Variants in MAOB observed in about 807,000 individuals in gnomAD.
MAOB encodes amine oxidase [flavin-containing] B.
A neutral mutation model predicts 41.9 loss-of-function variants in MAOB; 15 were observed. That is an observed-to-expected ratio of 0.36 (90% confidence interval 0.24 to 0.55). MAOB has a LOEUF of 0.55. Ranked by LOEUF, MAOB falls within the 20% of genes least tolerant of loss-of-function variation. The pLI is 0.86. For synonymous variants in MAOB, 167 were observed against 144.2 expected (o/e 1.16, Z -1.13); for missense variants, 345 against 398.7 (o/e 0.87, Z 1.15).
At chrX:43,776,458 A>G (rs767128121) in intron 11 of MAOB, among the ~76,000 whole-genome samples, 4 of 112,134 alleles carry the variant, frequency 3.6e-5, no homozygotes, top group African/African-American at 6.5e-5. Flanking sequence ...GAGTTGTTGC[A>G]GGAACTTCAA....
At chrX:43,785,157 C>T (rs2147127454) in intron 8 of MAOB, among the ~76,000 whole-genome samples, 1 of 112,997 alleles carries the variant, frequency 8.8e-6, no homozygotes, top group Non-Finnish European at 1.9e-5. Flanking sequence ...CAAAACAAAA[C>T]AAAACAAGAC....
At chrX:43,781,046 T>C (rs1218414277) in intron 9 of MAOB, among the ~76,000 whole-genome samples, 1 of 110,819 alleles carries the variant, frequency 9.0e-6, no homozygotes, top group Non-Finnish European at 1.9e-5. Context: ...TCTTCTCTAC[T>C]GGGACTCAGA....
At chrX:43,805,835 T>A (rs2034656109) in intron 3 of MAOB, among the ~76,000 whole-genome samples, 1 of 112,184 alleles carries the variant, frequency 8.9e-6, no homozygotes, top group Non-Finnish European at 1.9e-5. Flanking sequence ...TTTAACTTTT[T>A]AAGTTTAATA....
intron 3 of MAOB, among the ~76,000 whole-genome samples, chrX:43,805,929 A>T (rs1332516673): frequency 8.9e-6 from 1 of 112,369 alleles, no homozygotes; most frequent in Admixed American, 9.4e-5. Context: ...ACACTTGCTG[A>T]CTTTTCTTTT....
At chrX:43,827,426 G>A (rs1197530104) in intron 3 of MAOB, among the ~76,000 whole-genome samples, 1 of 111,600 alleles carries the variant, frequency 9.0e-6, no homozygotes, top group Non-Finnish European at 1.9e-5. Flanking sequence ...GGATTTGGCT[G>A]GCACAGGGGA....
intron 13 of MAOB, 139 bp downstream of exon 13, chrX:43,769,168 C>T (rs1182063875): frequency 4.2e-6 from 4 of 943,862 alleles, no homozygotes; most frequent in African/African-American, 2.0e-5. Context: ...TCACCTGAGA[C>T]AATAGTTAAA....
Position 43,841,058 on chromosome X carries a change from A to G in MAOB, c.142-2053T>C, listed in dbSNP as rs12396954. Among the ~76,000 whole-genome samples the G allele has an allele frequency of 5.5e-3, 614 of 111,287 alleles. 3 individuals carry two copies. The highest frequency in any genetic ancestry group is 0.019 in the African/African-American group (579 of 30,567). ...AGAACTTAAAGTATAATTTAAAAAA[A>G]AGAATGAGTACAAAATGTCAGATAT... is the stretch of plus-strand genomic sequence containing the variant. On this transcript the variant is annotated intron_variant, in intron 2 of 14. Transcript: ENST00000378069.
chrX:43,805,908 TC>T (rs1351606322), intron 3 of MAOB, among the ~76,000 whole-genome samples: 2 of 112,610 alleles, frequency 1.8e-5, no homozygotes, highest in Non-Finnish European at 3.7e-5. Flanking sequence ...TTCTAGTTGA[TC>T]AGAATACTGA....
chrX:43,787,648 T>C (rs2034417025), intron 8 of MAOB, among the ~76,000 whole-genome samples: 1 of 109,527 alleles, frequency 9.1e-6, no homozygotes, highest in Non-Finnish European at 1.9e-5. Flanking sequence ...GGAATACCTA[T>C]AGTGATAGTT....
chrX:43,877,772 C>A (rs1287647623), intron 1 of MAOB, among the ~76,000 whole-genome samples: 1 of 111,674 alleles, frequency 9.0e-6, no homozygotes, highest in Admixed American at 9.4e-5. Flanking sequence ...CCAAAGTGAG[C>A]CTGAGTTCCT....
chrX:43,784,456 C>T (rs2034374087), intron 8 of MAOB, among the ~76,000 whole-genome samples: 1 of 112,495 alleles, frequency 8.9e-6, no homozygotes, highest in Non-Finnish European at 1.9e-5. Flanking sequence ...TTGCACATCT[C>T]CATCAGAGCC....
intron 1 of MAOB, among the ~76,000 whole-genome samples, chrX:43,863,311 C>T: frequency 9.0e-6 from 1 of 111,361 alleles, no homozygotes; most frequent in South Asian, 3.8e-4. Flanking sequence ...TTTTGGTATG[C>T]CTTATTTGAC....
In MAOB at chrX:43,843,823, C is replaced by T. The variant is rs771686982; in HGVS notation, c.47-59G>A. The T allele has an allele frequency of 1.2e-4, 138 of 1,182,568 alleles. No homozygotes were observed. In the African/African-American group the frequency reaches 2.2e-3, roughly 19 times the overall value. ...ATACAAGGATGCCAGACAAGCTCCT[C>T]ATGCTAACAGCCAATGAGAAAAGTC... On this transcript the variant is annotated intron_variant, in intron 1 of 14. Coordinates refer to ENST00000378069, the MANE Select transcript of MAOB (RefSeq NM_000898.5).
intron 8 of MAOB, among the ~76,000 whole-genome samples, chrX:43,782,874 G>A (rs1400456167): frequency 3.6e-5 from 4 of 111,672 alleles, no homozygotes; most frequent in Non-Finnish European, 7.5e-5. Flanking sequence ...CACGTAAACA[G>A]AACCAATGAC....
chrX:43,825,606 T>C (rs910690179), intron 3 of MAOB, among the ~76,000 whole-genome samples: 1 of 111,713 alleles, frequency 9.0e-6, no homozygotes, highest in African/African-American at 3.3e-5. Flanking sequence ...TATTGTATTA[T>C]ACATTGCTAT....
chrX:43,794,427 G>T (rs940889882), intron 7 of MAOB, among the ~76,000 whole-genome samples: 1 of 109,491 alleles, frequency 9.1e-6, no homozygotes, highest in African/African-American at 3.3e-5. Flanking sequence ...GATTTTTTCC[G>T]CACTAATTAT....
Position 43,882,410 on chromosome X carries a change from C to G in MAOB, c.-111G>C. The G allele has an allele frequency of 9.2e-7, 1 of 1,082,267 alleles. No homozygotes were observed. The highest frequency in any genetic ancestry group is 1.2e-6 in the Non-Finnish European group (1 of 834,611). The allele number at this position is 1,082,267 out of a possible 1,213,427, so 89.2% of individuals were successfully genotyped here. A position where few individuals can be genotyped will look rare whatever the true frequency, so the allele number is the denominator to read the frequency against. ...CCCGCCTGCCCGCCGGCCTGCTGCG[C>G]GCTGCCCCCGTGCACCAGCGCCTCG... is the stretch of plus-strand genomic sequence containing the variant. On this transcript the variant is annotated 5_prime_UTR_variant, in exon 1 of 15. Transcript: ENST00000378069.
Position 43,875,585 on chromosome X carries a change from T to C in MAOB, c.46+6669A>G, listed in dbSNP as rs138107792. 2.1e-4 allele frequency among the ~76,000 whole-genome samples: 23 copies of C among 111,606 alleles called. No homozygotes were observed. In the East Asian group the frequency reaches 5.7e-3, roughly 27 times the overall value. The stretch of plus-strand genomic sequence containing the variant: ...TGGTACACATTTAACCTGAGCAAAT[T>C]TCCAAAGCATTCTCTTGTGGGGCTG... On this transcript the variant is annotated intron_variant, in intron 1 of 14. Transcript: ENST00000378069.
In MAOB at chrX:43,767,590, G is replaced by A; in HGVS notation, c.1439C>T (p.Thr480Ile). ...VDVPAQPITTTFLERHLPSVP... is the reference protein window; with the variant it reads ...VDVPAQPITTIFLERHLPSVP... The stretch of plus-strand genomic sequence containing the variant: ...GGAGGGCAAATGTCTCTCCAAAAAG[G>A]TGGTGGTGATGGGCTGTGCAGGGAC... Residue 480 changes from threonine to isoleucine, a missense_variant, in exon 15 of 15, where the codon ACC (threonine) becomes ATC (isoleucine). By Grantham distance (89) the Thr-to-Ile change is moderately conservative. Transcript: ENST00000378069. The A allele has an allele frequency of 8.3e-7, 1 of 1,210,865 alleles. No homozygotes were observed. Among genetic ancestry groups the A allele is most frequent in the Non-Finnish European group, 1.1e-6 (1 of 894,984 alleles).
Sources: allele counts gnomAD v4.1 joint callset (sites outside exome capture counted in the v4.1 genomes callset), GRCh38; gene constraint gnomAD v4.1.1; transcripts MANE v1.5; gene names NCBI Gene and HGNC (gene_info 2026-07-23, HGNC 2026-07-21).